The following BAHD1 variants were observed in gnomAD, a reference collection of about 807,000 sequenced individuals.
The protein encoded by BAHD1 is bromo adjacent homology domain-containing 1 protein.
Under a neutral mutation model 63.1 loss-of-function variants are expected in BAHD1, and 20 were observed. That is an observed-to-expected ratio of 0.32 (90% CI 0.22 to 0.46). The LOEUF (loss-of-function observed/expected upper bound fraction) is 0.46, where lower values mean the gene tolerates loss of function less well. Among genes scored for constraint, BAHD1 ranks in the 20% least tolerant of loss-of-function variants. The pLI, the probability that BAHD1 is intolerant of heterozygous loss-of-function variation, is 1.00. For synonymous variants in BAHD1, 408 were observed against 426.8 expected (o/e 0.96, Z 0.54); for missense variants, 939 against 1,071.8 (o/e 0.88, Z 1.73).
At position 40,461,948 on chromosome 15, in the gene BAHD1, TC is replaced by T. The variant is rs781587173; in HGVS notation, c.1472del (p.Pro491ArgfsTer41). ...TCCCTGGGCCAGTTGGAATTTCCTC[TC>T]CCGGAAGCTGGCCACCCAGCCTCAC... ...CRSLGQLEFPLPEAGHPASPA... is the reference protein window; with the variant it reads ...CRSLGQLEFPXPEAGHPASPA... On this transcript the variant is annotated frameshift_variant, in exon 3 of 7. Coordinates refer to ENST00000416165, the MANE Select transcript of BAHD1 (RefSeq NM_014952.5). LOFTEE classifies it high-confidence loss of function. The T allele has an allele frequency of 6.2e-7, 1 of 1,608,310 alleles. No individual in the cohort carries two copies. Among genetic ancestry groups the T allele is most frequent in the Non-Finnish European group, 8.5e-7 (1 of 1,176,052 alleles).
At chr15:40,460,439 A>G (rs536645784) in intron 2 of BAHD1, among the ~76,000 whole-genome samples, 58 of 152,208 alleles carry the variant, frequency 3.8e-4, no homozygotes, top group African/African-American at 1.3e-3. Context: ...AGAGGCATTG[A>G]AAGAGAAGTG....
intron 1 of BAHD1, among the ~76,000 whole-genome samples, chr15:40,449,537 T>A (rs571020309): frequency 1.8e-4 from 27 of 151,984 alleles, no homozygotes; most frequent in African/African-American, 6.0e-4. Context: ...TGGTGACTCA[T>A]GCCTGTAATC....
At chr15:40,455,448 A>C (rs1893820894) in intron 1 of BAHD1, among the ~76,000 whole-genome samples, 1 of 151,884 alleles carries the variant, frequency 6.6e-6, no homozygotes, top group African/African-American at 2.4e-5. Flanking sequence ...CTCCCTTCCC[A>C]CCTCTCTCTG....
intron 1 of BAHD1, among the ~76,000 whole-genome samples, chr15:40,449,515 T>G (rs1893641995): frequency 6.6e-6 from 1 of 152,014 alleles, no homozygotes; most frequent in Non-Finnish European, 1.5e-5. Context: ...AGGAGGAGGA[T>G]GAGGCCAGGC....
intron 5 of BAHD1, chr15:40,465,085 G>T (rs1404229556): frequency 2.2e-5 from 12 of 536,986 alleles, no homozygotes; most frequent in Non-Finnish European, 3.7e-5. Flanking sequence ...CAGGGCTGGG[G>T]TTTGGGAGGT....
At chr15:40,465,132 T>G (rs1450182434) in intron 5 of BAHD1, 2 of 587,558 alleles carry the variant, frequency 3.4e-6, no homozygotes, top group Non-Finnish European at 6.1e-6. Context: ...TACCTGGCTA[T>G]TCTGGAGAAG....
chr15:40,465,871 G>T, intron 6 of BAHD1, 70 bp from the exon 7 acceptor site: 1 of 1,486,478 alleles, frequency 6.7e-7, no homozygotes, highest in Non-Finnish European at 9.1e-7. Flanking sequence ...GGGTAGGGTA[G>T]GGTAGGGAAG....
intron 1 of BAHD1, among the ~76,000 whole-genome samples, chr15:40,446,377 G>C (rs1893540718): frequency 6.6e-6 from 1 of 152,194 alleles, no homozygotes; most frequent in African/African-American, 2.4e-5. Context: ...CCTGCCCCAG[G>C]TGACTTGGTA....
chr15:40,447,027 C>T (rs1054315291), intron 1 of BAHD1, among the ~76,000 whole-genome samples: 7 of 152,200 alleles, frequency 4.6e-5, no homozygotes, highest in African/African-American at 1.7e-4. Context: ...TAATCACATT[C>T]TCATGTGGCC....
intron 1 of BAHD1, among the ~76,000 whole-genome samples, chr15:40,447,611 TAA>T (rs1555408575): frequency 1.4e-5 from 2 of 144,028 alleles, no homozygotes; most frequent in Non-Finnish European, 3.1e-5. Context: ...AATAAATAAA[TAA>T]AAATAAAAAT....
chr15:40,438,486 C>T (rs1467924448), upstream of BAHD1, among the ~76,000 whole-genome samples: 1 of 152,214 alleles, frequency 6.6e-6, no homozygotes, highest in African/African-American at 2.4e-5. Flanking sequence ...CCATAGCCCA[C>T]TCAGTCAGAG....
In BAHD1 at chr15:40,463,883, G is replaced by A. The variant is rs1395106555; in HGVS notation, c.1838G>A (p.Arg613Gln). Reference protein sequence around the residue: ...YVLDEPEPAIRKSYQAVERHG... With the variant: ...YVLDEPEPAIQKSYQAVERHG... The stretch of plus-strand genomic sequence containing the variant: ...TAGGATGAGCCGGAGCCAGCCATCC[G>A]AAAGAGCTACCAGGCGGTAGAGCGG... The change falls in exon 4 of 7, where the codon CGA (arginine) becomes CAA (glutamine). Residue 613 changes from arginine (R) to glutamine (Q), a missense_variant. Arg to Gln is a conservative substitution (Grantham distance 43, BLOSUM62 1). Coordinates refer to ENST00000416165, the MANE Select transcript of BAHD1 (RefSeq NM_014952.5). 3 of 1,614,070 alleles carry A rather than the reference G, an allele frequency of 1.9e-6. No homozygotes were observed. Among genetic ancestry groups the A allele is most frequent in the African/African-American group, 1.3e-5 (1 of 74,926 alleles).
rs745683469 is a variant in BAHD1, at chr15:40,462,338, T to C, written c.1815+44T>C. On this transcript the variant is annotated intron_variant, in intron 3 of 6. Transcript: ENST00000416165. ...CTGATGACGAGAGGGAGGGAGGCAGTGGGGACACATGACCTGCAGTGAGGT... is the reference window on the plus strand; with the variant it reads ...CTGATGACGAGAGGGAGGGAGGCAGCGGGGACACATGACCTGCAGTGAGGT... The C allele has an allele frequency of 3.2e-6, 5 of 1,556,896 alleles. No homozygotes were observed. In the East Asian group the frequency reaches 1.1e-4, roughly 35 times the overall value.
At chr15:40,460,185 C>T (rs1351536473) in intron 2 of BAHD1, among the ~76,000 whole-genome samples, 1 of 152,214 alleles carries the variant, frequency 6.6e-6, no homozygotes, top group Non-Finnish European at 1.5e-5. Context: ...AGGAAGGCCT[C>T]TCTTCTCTCC....
In BAHD1 at chr15:40,465,927, G is replaced by T. The variant is rs972761488; in HGVS notation, c.2154-14G>T. On this transcript the variant is annotated splice_polypyrimidine_tract_variant and intron_variant, in intron 6 of 6. Coordinates refer to ENST00000416165, the MANE Select transcript of BAHD1 (RefSeq NM_014952.5). Reference sequence around the variant, plus strand: ...GTGGCTGGAGTAAAGACAGTGAATGGTATCTCTCTACAGGTTCTGTGCCAT... The same window carrying T: ...GTGGCTGGAGTAAAGACAGTGAATGTTATCTCTCTACAGGTTCTGTGCCAT... 29 of 1,553,000 alleles carry T rather than the reference G, an allele frequency of 1.9e-5. No homozygotes were observed. Among genetic ancestry groups the T allele is most frequent in the African/African-American group, 2.7e-5 (2 of 72,806 alleles).
rs1444063536 is a variant in BAHD1, at chr15:40,455,995, T to A, written c.-14-2456T>A. Among the ~76,000 whole-genome samples, 5 of 152,312 alleles carry A rather than the reference T, an allele frequency of 3.3e-5. No individual in the cohort carries two copies. In the East Asian group the frequency reaches 9.6e-4, roughly 29 times the overall value. On this transcript the variant is annotated intron_variant, in intron 1 of 6. Transcript: ENST00000416165. ...TGTTGTTGTTGTTGTTGTTTTGAGA[T>A]GGAGTCTCACTCTGTTGCCCAGGCT...
intron 1 of BAHD1, among the ~76,000 whole-genome samples, chr15:40,455,733 C>T (rs1893830976): frequency 1.3e-5 from 2 of 152,240 alleles, no homozygotes; most frequent in African/African-American, 4.8e-5. Flanking sequence ...GTTCCCAGGC[C>T]TAGCCCCTCT....
chr15:40,440,067 C>T (rs1893357538), upstream of BAHD1: 1 of 152,450 alleles, frequency 6.6e-6, no homozygotes, highest in African/African-American at 2.4e-5. Flanking sequence ...CCCCGGAGAG[C>T]TCTGATGTTC....
intron 5 of BAHD1, 129 bp from the exon 6 acceptor site, chr15:40,465,206 G>C: frequency 1.3e-6 from 1 of 769,724 alleles, no homozygotes; most frequent in South Asian, 1.7e-5. Flanking sequence ...TACTTAGGCT[G>C]AATTTCCAGG....
Sources: gnomAD v4.1 joint callset for allele counts (sites outside exome capture counted in the v4.1 genomes callset) on GRCh38, gnomAD v4.1.1 for gene constraint, MANE v1.5 for transcripts, NCBI Gene and HGNC (gene_info 2026-07-23, HGNC 2026-07-21) for gene names.